TBC1D25: variants seen among roughly 807,000 people sequenced by gnomAD.
TBC1D25 encodes the protein TBC1 domain family member 25.
TBC1D25 carries 13 observed loss-of-function variants against 38.8 expected under a neutral mutation model. The observed-to-expected ratio is 0.34, with a 90% CI of 0.22 to 0.53. TBC1D25 has a LOEUF of 0.53. TBC1D25 is among the 20% of genes least tolerant of loss of function. The pLI is 0.94. For synonymous variants in TBC1D25, 225 were observed against 255.6 expected (o/e 0.88, Z 1.14); for missense variants, 372 against 600.0 (o/e 0.62, Z 3.97).
At chrX:48,550,990 T>C (rs1039657000) in intron 3 of TBC1D25, among the ~76,000 whole-genome samples, 37 of 111,534 alleles carry the variant, frequency 3.3e-4, no homozygotes, top group African/African-American at 1.2e-3. Context: ...TGAATTCTTC[T>C]ATAGAAACCT....
intron 3 of TBC1D25, among the ~76,000 whole-genome samples, chrX:48,551,184 T>G (rs1327067902): frequency 8.9e-6 from 1 of 111,806 alleles, no homozygotes; most frequent in East Asian, 2.8e-4. Flanking sequence ...CAGCCCACAA[T>G]GAAACACTTG....
intron 1 of TBC1D25, 122 bp from the exon 2 acceptor site, chrX:48,541,211 A>G: frequency 1.7e-6 from 1 of 600,916 alleles, no homozygotes; most frequent in Non-Finnish European, 2.9e-6. Context: ...CCTGTGGTCC[A>G]GAACACCTGC....
intron 3 of TBC1D25, among the ~76,000 whole-genome samples, chrX:48,548,220 A>G (rs1443295058): frequency 9.3e-6 from 1 of 107,976 alleles, no homozygotes; most frequent in Non-Finnish European, 1.9e-5. Context: ...GGCTCAAGCA[A>G]TTGTCCCACG....
rs1308749242 is a variant in TBC1D25 at position 48,559,140 on chromosome X, C to T, written c.517-18C>T. On this transcript the variant is annotated intron_variant, in intron 4 of 5. Transcript: ENST00000376771. ...CCTAGTCCACACAGCTGATGGTGGCCTCCCTCCCTCCTCATAGGTGGGCCG... is the reference window on the plus strand; with the variant it reads ...CCTAGTCCACACAGCTGATGGTGGCTTCCCTCCCTCCTCATAGGTGGGCCG... The T allele has an allele frequency of 4.2e-6, 5 of 1,204,750 alleles. No homozygotes were observed. In the African/African-American group the frequency reaches 7.0e-5, roughly 17 times the overall value.
At chrX:48,547,674 C>T (rs1470946120) in intron 3 of TBC1D25, among the ~76,000 whole-genome samples, 1 of 112,110 alleles carries the variant, frequency 8.9e-6, no homozygotes, top group East Asian at 2.8e-4. Context: ...CCGTGGCTCA[C>T]GCCTGTAATC....
intron 3 of TBC1D25, among the ~76,000 whole-genome samples, chrX:48,555,562 G>A (rs782126272): frequency 3.3e-4 from 37 of 111,847 alleles, no homozygotes; most frequent in Non-Finnish European, 6.2e-4. Flanking sequence ...GGTATTTCTC[G>A]TTAGGTGGAG....
Position 48,561,334 on chromosome X carries a change from T to G in TBC1D25, c.*359T>G. 5.6e-6 allele frequency: 1 copy of G among 177,307 alleles called. No individual in the cohort carries two copies. Among genetic ancestry groups the G allele is most frequent in the Non-Finnish European group, 1.0e-5 (1 of 95,583 alleles). The allele number at this position is 177,307 out of a possible 1,213,427, so 14.6% of individuals were successfully genotyped here. On this transcript the variant is annotated 3_prime_UTR_variant, in exon 6 of 6. Coordinates refer to ENST00000376771, the MANE Select transcript of TBC1D25 (RefSeq NM_002536.4). ...TCACTTGGTGGAGAGAGGCTCCAGCTTCCCCCTTGTGATGGGGAGAGTGGA... is the reference window on the plus strand; with the variant it reads ...TCACTTGGTGGAGAGAGGCTCCAGCGTCCCCCTTGTGATGGGGAGAGTGGA...
At chrX:48,544,740 C>A in intron 2 of TBC1D25, 129 bp from the exon 3 acceptor site, 1 of 858,314 alleles carries the variant, frequency 1.2e-6, no homozygotes, top group Non-Finnish European at 1.6e-6. Flanking sequence ...TAATCCTTGG[C>A]ACAGTACCTT....
intron 3 of TBC1D25, 81 bp downstream of exon 3, chrX:48,545,104 C>T: frequency 1.8e-6 from 2 of 1,112,592 alleles, no homozygotes; most frequent in Non-Finnish European, 2.4e-6. Flanking sequence ...CAGTACACTC[C>T]CTCATGGTGG....
chrX:48,558,243 G>A (rs1556984930), intron 3 of TBC1D25, among the ~76,000 whole-genome samples: 1 of 111,956 alleles, frequency 8.9e-6, no homozygotes, highest in African/African-American at 3.2e-5. Context: ...TTTCCTGGCT[G>A]TAGAATCTTG....
chrX:48,541,074 C>T (rs1400277338), intron 1 of TBC1D25, among the ~76,000 whole-genome samples: 1 of 112,047 alleles, frequency 8.9e-6, no homozygotes, highest in Non-Finnish European at 1.9e-5. Context: ...AGATTGGTTA[C>T]AGCACCATAG....
At chrX:48,551,484 C>T (rs371118949) in intron 3 of TBC1D25, among the ~76,000 whole-genome samples, 2 of 110,054 alleles carry the variant, frequency 1.8e-5, no homozygotes, top group East Asian at 2.9e-4. Flanking sequence ...CGCGCCACCA[C>T]GCCCAGCTAA....
At chrX:48,555,596 A>G (rs2061969173) in intron 3 of TBC1D25, among the ~76,000 whole-genome samples, 2 of 111,402 alleles carry the variant, frequency 1.8e-5, no homozygotes, top group African/African-American at 6.5e-5. Context: ...AAAAGAAATA[A>G]GACACAGAGA....
intron 3 of TBC1D25, among the ~76,000 whole-genome samples, chrX:48,554,559 CAAAA>C (rs60207287): frequency 3.9e-5 from 2 of 51,904 alleles, no homozygotes; most frequent in African/African-American, 8.0e-5. Context: ...GACTCCATCT[CAAAA>C]AAAAAAAAAA....
At chrX:48,546,289 A>G (rs1316025189) in intron 3 of TBC1D25, among the ~76,000 whole-genome samples, 11 of 107,199 alleles carry the variant, frequency 1.0e-4, no homozygotes, top group Middle Eastern at 4.4e-3. Context: ...CGAGGCGGGC[A>G]GATCACAAGG....
chrX:48,557,602 C>A (rs1308395302), intron 3 of TBC1D25, among the ~76,000 whole-genome samples: 1 of 106,501 alleles, frequency 9.4e-6, no homozygotes, highest in Non-Finnish European at 1.9e-5. Context: ...GAGATCCCGT[C>A]ATTGTACTCC....
At chrX:48,552,144 G>A (rs1234610806) in intron 3 of TBC1D25, among the ~76,000 whole-genome samples, 2 of 110,966 alleles carry the variant, frequency 1.8e-5, no homozygotes, top group African/African-American at 6.6e-5. Flanking sequence ...TCGTAAAAAC[G>A]TCATAGCAGA....
chrX:48,561,817 T>A lies in TBC1D25; in HGVS notation c.*842T>A, dbSNP rs2062029680. ...ACAAAAGGATCTAGGGCTCCTATTCTTGTCACTTGCTTTGGAGCCAGTTTG... is the reference window on the plus strand; with the variant it reads ...ACAAAAGGATCTAGGGCTCCTATTCATGTCACTTGCTTTGGAGCCAGTTTG... On this transcript the variant is annotated 3_prime_UTR_variant, in exon 6 of 6. Transcript: ENST00000376771. The A allele has an allele frequency of 8.9e-6, 1 of 112,784 alleles. No homozygotes were observed. The highest frequency in any genetic ancestry group is 1.9e-5 in the Non-Finnish European group (1 of 53,364). 9.3% of individuals were successfully genotyped at this position (112,784 alleles called of 1,213,427 possible).
intron 5 of TBC1D25, 92 bp downstream of exon 5, chrX:48,559,438 AG>A: frequency 9.3e-7 from 1 of 1,078,115 alleles, no homozygotes; most frequent in Non-Finnish European, 1.2e-6. Context: ...GCTGTGGGCA[AG>A]GGTGGAGATG....
Sources: gnomAD v4.1 joint callset for allele counts (sites outside exome capture counted in the v4.1 genomes callset) on GRCh38, gnomAD v4.1.1 for gene constraint, MANE v1.5 for transcripts, NCBI Gene and HGNC (gene_info 2026-07-23, HGNC 2026-07-21) for gene names.